The following SOX5 variants were observed in gnomAD, a reference collection of about 807,000 sequenced individuals.
The protein encoded by SOX5 is SRY-box transcription factor 5.
SOX5 carries 9 observed loss-of-function variants against 92.0 expected under a neutral mutation model. The ratio of observed to expected loss-of-function variants is 0.10; its 90% CI spans 0.06 to 0.17. The LOEUF is 0.17. Among genes scored for constraint, SOX5 ranks in the 10% least tolerant of loss-of-function variants. The probability of loss-of-function intolerance (pLI) is 1.00; values close to 1 mark genes in which losing one functional copy is unlikely to be tolerated. For synonymous variants in SOX5, 344 were observed against 336.3 expected (o/e 1.02, Z -0.25); for missense variants, 642 against 944.5 (o/e 0.68, Z 4.20).
intron 11 of SOX5, among the ~76,000 whole-genome samples, chr12:23,556,879 G>A (rs1022384637): frequency 6.6e-5 from 10 of 152,162 alleles, no homozygotes; most frequent in African/African-American, 1.7e-4. Flanking sequence ...GTCAGTTTCC[G>A]AAGAGTTAAC....
chr12:24,270,283 ACTC>A (rs1264058496), intron 3 of SOX5, among the ~76,000 whole-genome samples: 4 of 151,102 alleles, frequency 2.6e-5, no homozygotes, highest in African/African-American at 9.7e-5. Context: ...CTGGTCTTGA[ACTC>A]CTGAGCTCGT....
chr12:23,910,899 TTCAGATCCA>T (rs2097344572), intron 1 of SOX5, among the ~76,000 whole-genome samples: 1 of 152,148 alleles, frequency 6.6e-6, no homozygotes, highest in African/African-American at 2.4e-5. Context: ...TATAGTTGCT[TTCAGATCCA>T]CCTCTTCACA....
intron 3 of SOX5, among the ~76,000 whole-genome samples, chr12:23,802,270 C>T (rs879713851): frequency 4.0e-5 from 6 of 151,824 alleles, no homozygotes; most frequent in African/African-American, 9.7e-5. Context: ...TTAGTAGAGA[C>T]GGGGTTTCAC....
chr12:24,138,745 G>C (rs895476818), intron 4 of SOX5, among the ~76,000 whole-genome samples: 2 of 152,182 alleles, frequency 1.3e-5, no homozygotes, highest in Non-Finnish European at 2.9e-5. Context: ...CGAAAGAGCA[G>C]ATAATAATAG....
intron 8 of SOX5, among the ~76,000 whole-genome samples, chr12:23,632,562 G>T (rs2078683397): frequency 6.6e-6 from 1 of 152,050 alleles, no homozygotes; most frequent in African/African-American, 2.4e-5. Context: ...CACTCACAGT[G>T]CTGGGAAATA....
intron 2 of SOX5, among the ~76,000 whole-genome samples, chr12:24,303,793 T>C (rs545233882): frequency 6.6e-5 from 10 of 152,210 alleles, no homozygotes; most frequent in African/African-American, 2.4e-4. Context: ...CACAAAGGTG[T>C]GAATGCCAGG....
At chr12:23,591,142 C>G (rs1371452259) in intron 9 of SOX5, among the ~76,000 whole-genome samples, 1 of 151,684 alleles carries the variant, frequency 6.6e-6, no homozygotes, top group Non-Finnish European at 1.5e-5. Flanking sequence ...AAAAGTTCAC[C>G]TTAACAATAG....
chr12:24,399,620 T>TA (rs1254871748), intron 1 of SOX5, among the ~76,000 whole-genome samples: 1 of 152,134 alleles, frequency 6.6e-6, no homozygotes, highest in African/African-American at 2.4e-5. Context: ...TTTCAGTAGC[T>TA]AAAAAAACAA....
intron 4 of SOX5, among the ~76,000 whole-genome samples, chr12:24,161,850 A>T (rs1346018575): frequency 2.0e-5 from 3 of 152,118 alleles, no homozygotes; most frequent in Non-Finnish European, 2.9e-5. Context: ...CAAAAGCCCC[A>T]AAGTGTGTAC....
intron 9 of SOX5, among the ~76,000 whole-genome samples, chr12:23,586,251 G>C (rs1449062302): frequency 1.3e-5 from 2 of 152,098 alleles, no homozygotes; most frequent in Non-Finnish European, 2.9e-5. Context: ...AATTAGAACA[G>C]TTGTGCCATC....
At chr12:23,660,704 T>TA (rs34663379) in intron 7 of SOX5, among the ~76,000 whole-genome samples, 50,836 of 148,656 alleles carry the variant, frequency 0.34, 8,622 homozygotes, top group Middle Eastern at 0.44. Context: ...ACTTCCAGGT[T>TA]AAAAAAAAAA....
At chr12:23,552,458 A>G (rs952722975) in intron 11 of SOX5, among the ~76,000 whole-genome samples, 1 of 151,954 alleles carries the variant, frequency 6.6e-6, no homozygotes, top group Non-Finnish European at 1.5e-5. Flanking sequence ...CCTTGTTGTC[A>G]TAATGAAGAA....
intron 4 of SOX5, among the ~76,000 whole-genome samples, chr12:24,022,379 G>T (rs1954395378): frequency 1.3e-5 from 2 of 152,116 alleles, no homozygotes; most frequent in South Asian, 4.1e-4. Flanking sequence ...AAGGCAGAGA[G>T]CAGCACAAGA....
intron 2 of SOX5, among the ~76,000 whole-genome samples, chr12:24,291,235 A>G (rs756544796): frequency 3.9e-5 from 6 of 152,214 alleles, no homozygotes; most frequent in Non-Finnish European, 8.8e-5. Flanking sequence ...GTGTTAATAA[A>G]TCACTCGGAA....
At chr12:24,273,122 G>A (rs1390394621) in intron 3 of SOX5, among the ~76,000 whole-genome samples, 1 of 152,126 alleles carries the variant, frequency 6.6e-6, no homozygotes, top group Non-Finnish European at 1.5e-5. Flanking sequence ...TGTTAAGCGT[G>A]GTGACATGTG....
intron 3 of SOX5, among the ~76,000 whole-genome samples, chr12:23,841,778 G>T (rs902250914): frequency 1.3e-5 from 2 of 152,022 alleles, no homozygotes; most frequent in African/African-American, 4.8e-5. Flanking sequence ...GATTACTTGG[G>T]ATTCTAGGGA....
chr12:24,280,333 C>G lies in SOX5; in HGVS notation c.-173-3021G>C, dbSNP rs561465812. ...GTGAAATTGCGTTAAGAAACACAGT[C>G]AGGGAGGAGCACGCAGGTAGCTTCA... is the stretch of plus-strand genomic sequence containing the variant. On this transcript the variant is annotated intron_variant, in intron 2 of 4. Transcript: ENST00000446891. 3.9e-4 allele frequency among the ~76,000 whole-genome samples: 60 copies of G among 152,246 alleles called. 1 individual carries two copies. The highest frequency in any genetic ancestry group is 1.6e-4 in the Non-Finnish European group (11 of 68,024).
chr12:23,538,535 C>T (rs1047481466), intron 13 of SOX5, among the ~76,000 whole-genome samples: 1 of 152,168 alleles, frequency 6.6e-6, no homozygotes, highest in African/African-American at 2.4e-5. Flanking sequence ...TCTGAAGATA[C>T]TTGAATACCA....
chr12:24,406,939 A>T (rs1019500825), intron 1 of SOX5, among the ~76,000 whole-genome samples: 10 of 152,164 alleles, frequency 6.6e-5, no homozygotes, highest in African/African-American at 2.4e-4. Context: ...GGGGGTAGAC[A>T]GGGGTGATGG....
Sources: allele counts gnomAD v4.1 joint callset (sites outside exome capture counted in the v4.1 genomes callset), GRCh38; gene constraint gnomAD v4.1.1; transcripts MANE v1.5; gene names NCBI Gene and HGNC (gene_info 2026-07-23, HGNC 2026-07-21).